NFASC: variants seen among roughly 807,000 people sequenced by gnomAD.
NFASC encodes the protein neurofascin homolog.
In NFASC, 43 loss-of-function variants were observed where a neutral mutation model predicts 147.5. That is an observed-to-expected ratio of 0.29 (90% CI 0.23 to 0.38). The LOEUF (loss-of-function observed/expected upper bound fraction) is 0.38. Among genes scored for constraint, NFASC ranks in the 10% least tolerant of loss-of-function variants. The pLI is 1.00. For missense variants in NFASC, 1,320 were observed against 1,689.0 expected, an observed-to-expected ratio of 0.78 and a Z score of 3.83; for synonymous variants, 622 against 665.5, an observed-to-expected ratio of 0.93 and a Z score of 1.01.
At chr1:204,974,389 T>C in intron 13 of NFASC, 99 bp downstream of exon 13, 1 of 935,916 alleles carries the variant, frequency 1.1e-6, no homozygotes, top group Non-Finnish European at 1.7e-6. Context: ...GACCTGGGAA[T>C]CTTAAAGGGT....
intron 21 of NFASC, chr1:204,984,210 C>T (rs1039065255): frequency 1.9e-5 from 19 of 1,008,018 alleles, no homozygotes; most frequent in Admixed American, 7.1e-5. Flanking sequence ...GTAGCAAATG[C>T]GGGCTATAAG....
At chr1:204,930,342 T>G (rs1202762552) in intron 2 of NFASC, among the ~76,000 whole-genome samples, 1 of 152,080 alleles carries the variant, frequency 6.6e-6, no homozygotes. Flanking sequence ...GCTGGTTAGA[T>G]GTTATTGTTA....
intron 3 of NFASC, among the ~76,000 whole-genome samples, chr1:204,949,164 A>G (rs933996091): frequency 6.6e-6 from 1 of 152,146 alleles, no homozygotes; most frequent in Admixed American, 6.5e-5. Flanking sequence ...GGATCTTTTC[A>G]TGAGTCTTAG....
intron 2 of NFASC, among the ~76,000 whole-genome samples, chr1:204,943,529 A>G (rs2093507459): frequency 6.6e-6 from 1 of 152,210 alleles, no homozygotes; most frequent in Non-Finnish European, 1.5e-5. Context: ...ATCAGGGACC[A>G]CTGTACCTTA....
intron 11 of NFASC, among the ~76,000 whole-genome samples, chr1:204,971,132 C>T (rs953328963): frequency 1.3e-5 from 2 of 152,258 alleles, no homozygotes; most frequent in Admixed American, 6.5e-5. Flanking sequence ...GAGGAGAATT[C>T]AGTAACCCAT....
intron 24 of NFASC, 102 bp from the exon 25 acceptor site, chr1:204,997,068 C>G (rs2095859759): frequency 5.2e-6 from 8 of 1,531,314 alleles, no homozygotes; most frequent in Non-Finnish European, 7.0e-6. Context: ...TGACTAAGCC[C>G]CGTCTCCTCA....
chr1:204,977,077 G>C (rs1558334832), intron 16 of NFASC: 4 of 1,226,264 alleles, frequency 3.3e-6, no homozygotes, highest in Non-Finnish European at 1.0e-6. Context: ...GTTTCTCGTT[G>C]TGATCATTTT....
chr1:204,862,089 T>C (rs1488699701), intron 1 of NFASC, among the ~76,000 whole-genome samples: 1 of 152,262 alleles, frequency 6.6e-6, no homozygotes, highest in Non-Finnish European at 1.5e-5. Context: ...AAGCCAGTGC[T>C]CAAAACCTTG....
rs1329038678 is a variant in NFASC, at chr1:204,987,920, A to AGACG, written c.2593+381_2593+382insACGG. Among the ~76,000 whole-genome samples the AGACG allele has an allele frequency of 6.6e-6, 1 of 151,910 alleles. No individual in the cohort carries two copies. Among genetic ancestry groups the AGACG allele is most frequent in the Non-Finnish European group, 1.5e-5 (1 of 67,964 alleles). On this transcript the variant is annotated intron_variant, in intron 22 of 29. Coordinates refer to ENST00000339876, the MANE Select transcript of NFASC (RefSeq NM_001005388.3). This position sits in a 1 kb window ranked among gnomAD's most constrained non-coding sequence, Gnocchi z 4.4. ...AGATAGTATACTCACAGGAGTCCAC[A>AGACG]GTCAGGACACCCCTTGACAAGATGT...
rs74138674 is a variant in NFASC, at chr1:204,950,624, A to G, written c.109+50A>G. ...TGCCTCTGGGAGTTGGGAGGGAGGA[A>G]TGAGGCATGAGGTGATACCTGGGGA... On this transcript the variant is annotated intron_variant, in intron 4 of 29. Coordinates refer to ENST00000339876, the MANE Select transcript of NFASC (RefSeq NM_001005388.3). The G allele has an allele frequency of 3.8e-3, 5,899 of 1,561,994 alleles. 201 individuals are homozygous for G. The African/African-American group carries it at 0.068, about 18-fold the overall frequency.
intron 1 of NFASC, among the ~76,000 whole-genome samples, chr1:204,834,972 T>C (rs1673264221): frequency 6.6e-6 from 1 of 152,242 alleles, no homozygotes. Flanking sequence ...AAGGTCTAAT[T>C]ATTCTCATCA....
At chr1:204,879,415 G>A (rs1336663934) in intron 1 of NFASC, among the ~76,000 whole-genome samples, 2 of 152,192 alleles carry the variant, frequency 1.3e-5, no homozygotes, top group African/African-American at 2.4e-5. Flanking sequence ...GCTTGGGGGC[G>A]CTCACTGAAC....
intron 1 of NFASC, among the ~76,000 whole-genome samples, chr1:204,856,645 C>T (rs1387747926): frequency 6.6e-6 from 1 of 152,138 alleles, no homozygotes; most frequent in South Asian, 2.1e-4. Context: ...CAGAAGATCA[C>T]CCCATACCCA....
At chr1:204,870,892 T>TCTCTGAGGCCAACTTTCAGGGA (rs2077568666) in intron 1 of NFASC, 1 of 1,202,672 alleles carries the variant, frequency 8.3e-7, no homozygotes, top group Admixed American at 3.3e-5. Context: ...TGCTGTGTTT[T>TCTCTGAGGCCAACTTTCAGGGA]CTCTGAGGCC....
At chr1:204,851,004 T>C (rs902850322) in intron 1 of NFASC, among the ~76,000 whole-genome samples, 2 of 152,220 alleles carry the variant, frequency 1.3e-5, no homozygotes, top group Admixed American at 6.5e-5. Context: ...ATTGTATTCA[T>C]TTCACCAGAA....
intron 1 of NFASC, among the ~76,000 whole-genome samples, chr1:204,835,996 C>CT (rs1673679705): frequency 6.6e-6 from 1 of 152,126 alleles, no homozygotes. Flanking sequence ...TGAAAATTCC[C>CT]TTTTTCTTTA....
At position 204,998,158 on chromosome 1, in the gene NFASC, T is replaced by G. The variant is rs1472784271; in HGVS notation, c.3019+752T>G. On this transcript the variant is annotated intron_variant, in intron 25 of 29. Transcript: ENST00000339876. ...GCCACGAGAATGCACTGTTCCTGTATCATGCAGCCAGGCCAGGAAGCTCTG... is the reference window on the plus strand; with the variant it reads ...GCCACGAGAATGCACTGTTCCTGTAGCATGCAGCCAGGCCAGGAAGCTCTG... 4 of 152,422 alleles carry G rather than the reference T, an allele frequency of 2.6e-5. No homozygotes were observed. The East Asian group carries it at 7.7e-4, about 29-fold the overall frequency. 9.4% of individuals were successfully genotyped at this position (152,422 alleles called of 1,614,324 possible). A position where few individuals can be genotyped will look rare whatever the true frequency, so the allele number is the denominator to read the frequency against.
chr1:204,910,751 C>T (rs1228572298), intron 1 of NFASC, among the ~76,000 whole-genome samples: 1 of 152,044 alleles, frequency 6.6e-6, no homozygotes, highest in Non-Finnish European at 1.5e-5. Context: ...TATCCTCCTA[C>T]CTCCGGCCTC....
chr1:204,867,549 A>G (rs532584998), intron 1 of NFASC, among the ~76,000 whole-genome samples: 20 of 152,148 alleles, frequency 1.3e-4, no homozygotes, highest in South Asian at 6.2e-4. Context: ...GAGTCACACT[A>G]AGGCACACAC....
Sources: allele counts gnomAD v4.1 joint callset (sites outside exome capture counted in the v4.1 genomes callset), GRCh38; gene constraint gnomAD v4.1.1; non-coding constraint Gnocchi (gnomAD v3.1); transcripts MANE v1.5; gene names NCBI Gene and HGNC (gene_info 2026-07-23, HGNC 2026-07-21).